Variants in EPCAM observed in about 807,000 individuals in gnomAD.
EPCAM encodes the protein adenocarcinoma-associated antigen.
A neutral mutation model predicts 40.0 loss-of-function variants in EPCAM; 39 were observed. The ratio of observed to expected loss-of-function variants is 0.98; its 90% confidence interval spans 0.76 to 1.27. The LOEUF is 1.27. Among genes scored for constraint, EPCAM ranks in the 50% most tolerant of loss-of-function variants. The pLI is 0.00. For missense variants in EPCAM, 503 were observed against 381.2 expected (o/e 1.32, Z -2.66); for synonymous variants, 168 against 132.3 (o/e 1.27, Z -1.85).
chr2:47,373,506 GAAT>G lies in EPCAM; in HGVS notation c.127_129del (p.Asn43del). On this transcript the variant is annotated inframe_deletion, in exon 2 of 9. Coordinates refer to ENST00000263735, the MANE Select transcript of EPCAM (RefSeq NM_002354.3). ...ACAAGCTGGCCGTAAACTGCTTTGT[GAAT>G]AATAATCGTCAATGCCAGTGTACTT... is the stretch of plus-strand genomic sequence containing the variant. The G allele has an allele frequency of 1.9e-6, 3 of 1,613,766 alleles. No individual in the cohort carries two copies. Among genetic ancestry groups the G allele is most frequent in the Non-Finnish European group, 2.5e-6 (3 of 1,179,856 alleles).
intron 5 of EPCAM, among the ~76,000 whole-genome samples, chr2:47,378,727 T>G (rs1671495504): frequency 6.6e-6 from 1 of 152,204 alleles, no homozygotes; most frequent in South Asian, 2.1e-4. Context: ...TACATTGTAA[T>G]TATGTTTGGT....
At chr2:47,381,940 A>G (rs1163153603) in intron 7 of EPCAM, among the ~76,000 whole-genome samples, 1 of 152,046 alleles carries the variant, frequency 6.6e-6, no homozygotes, top group Non-Finnish European at 1.5e-5. Flanking sequence ...CTAATTTTTT[A>G]ATTTTTAGTA....
intron 7 of EPCAM, among the ~76,000 whole-genome samples, chr2:47,382,812 T>C (rs1671627547): frequency 6.6e-6 from 1 of 152,192 alleles, no homozygotes; most frequent in Admixed American, 6.5e-5. Flanking sequence ...ATGAGTTCGA[T>C]CTTTATCTTT....
chr2:47,378,470 T>C lies in EPCAM; in HGVS notation c.556-483T>C, dbSNP rs181856562. 7.6e-3 allele frequency among the ~76,000 whole-genome samples: 1,157 copies of C among 151,862 alleles called. 12 individuals are homozygous for C. The highest frequency in any genetic ancestry group is 9.1e-3 in the Non-Finnish European group (620 of 67,916). On this transcript the variant is annotated intron_variant, in intron 5 of 8. Transcript: ENST00000263735. ...GCAATGTGTCACCACGCCTGGCTAATTTTGTATTTTTAGTAGAGATGGGGT... is the reference window on the plus strand; with the variant it reads ...GCAATGTGTCACCACGCCTGGCTAACTTTGTATTTTTAGTAGAGATGGGGT...
rs2103747818 is a variant in EPCAM at position 47,373,996 on chromosome 2, A to G, written c.373A>G (p.Arg125Gly). The G allele has an allele frequency of 6.2e-7, 1 of 1,614,202 alleles. No individual in the cohort carries two copies. The highest frequency in any genetic ancestry group is 8.5e-7 in the Non-Finnish European group (1 of 1,180,028). The stretch of plus-strand genomic sequence containing the variant: ...CTGGTGTGTGAACACTGCTGGGGTC[A>G]GAAGAACAGACAAGGACACTGAAAT... The part of the protein sequence containing the change: ...MCWCVNTAGV[R>G]RTDKDTEITC... Residue 125 changes from arginine to glycine, a missense_variant, in exon 3 of 9, where the codon AGA becomes GGA. Physicochemically the swap from Arg to Gly is moderately radical, Grantham distance 125. Transcript: ENST00000263735.
At chr2:47,373,296 C>T (rs1372703196) in intron 1 of EPCAM, among the ~76,000 whole-genome samples, 167 bp from the exon 2 acceptor site, 1 of 149,826 alleles carries the variant, frequency 6.7e-6, no homozygotes, top group East Asian at 2.0e-4. Context: ...TAGCAAGTGC[C>T]AGGCACTTAG....
intron 4 of EPCAM, 67 bp downstream of exon 4, chr2:47,375,366 T>A (rs760743258): frequency 1.5e-5 from 15 of 1,030,870 alleles, no homozygotes; most frequent in Non-Finnish European, 2.3e-5. Context: ...CCTACACCAT[T>A]AGAAAAAGCA....
Position 47,370,749 on chromosome 2 carries a change from AG to A in EPCAM, c.76+1169del, listed in dbSNP as rs1671239959. Among the ~76,000 whole-genome samples, 3 of 150,658 alleles carry A rather than the reference AG, an allele frequency of 2.0e-5. No homozygotes were observed. The South Asian group carries it at 6.3e-4, about 32-fold the overall frequency. Reference sequence around the variant, plus strand: ...TTTATTATTATTATTATTATTTTTGAGACAGAGTTTCGCTCTTGTTGCCCAG... The same window carrying A: ...TTTATTATTATTATTATTATTTTTGAACAGAGTTTCGCTCTTGTTGCCCAG... On this transcript the variant is annotated intron_variant, in intron 1 of 8. Transcript: ENST00000263735.
rs769754089 is a variant in EPCAM at position 47,369,556 on chromosome 2, G to A, written c.51G>A (p.Thr17=). 1.9e-6 allele frequency: 3 copies of A among 1,588,354 alleles called. No individual in the cohort carries two copies. The highest frequency in any genetic ancestry group is 2.3e-5 in the South Asian group (2 of 86,978). The change falls in exon 1 of 9, where the codon ACG becomes ACA. Residue 17 remains threonine, a synonymous_variant. Coordinates refer to ENST00000263735, the MANE Select transcript of EPCAM (RefSeq NM_002354.3). ...LAFGLLLAAA[T]ATFAAAQEEC... ...TCGGGCTTCTGCTTGCCGCGGCGACGGCGACTTTTGCCGCAGCTCAGGAAG... is the reference window on the plus strand; with the variant it reads ...TCGGGCTTCTGCTTGCCGCGGCGACAGCGACTTTTGCCGCAGCTCAGGAAG...
At chr2:47,379,636 A>T (rs2103758351) in intron 6 of EPCAM, 133 bp from the exon 7 acceptor site, 1 of 1,055,428 alleles carries the variant, frequency 9.5e-7, no homozygotes, top group East Asian at 2.6e-5. Flanking sequence ...GTTCCAATAA[A>T]TTAGATTGTT....
At chr2:47,375,961 C>G (rs983005607) in intron 4 of EPCAM, among the ~76,000 whole-genome samples, 1 of 152,042 alleles carries the variant, frequency 6.6e-6, no homozygotes, top group South Asian at 2.1e-4. Context: ...GCCTCTGCCT[C>G]CCAAAGTGCT....
intron 8 of EPCAM, among the ~76,000 whole-genome samples, chr2:47,386,034 A>G (rs1194452444): frequency 6.6e-6 from 1 of 152,174 alleles, no homozygotes; most frequent in African/African-American, 2.4e-5. Context: ...ATGTTTCCTC[A>G]TCTGTAAAAT....
At chr2:47,374,264 A>T (rs1671363965) in intron 3 of EPCAM, among the ~76,000 whole-genome samples, 1 of 152,116 alleles carries the variant, frequency 6.6e-6, no homozygotes. Context: ...GAGATAGTTG[A>T]TGAATTTGTT....
chr2:47,373,541 G>C lies in EPCAM; in HGVS notation c.155G>C (p.Gly52Ala), dbSNP rs770459165. 7 of 1,613,350 alleles carry C rather than the reference G, an allele frequency of 4.3e-6. No homozygotes were observed. The Admixed American group carries it at 1.0e-4, about 23-fold the overall frequency. ...CGTCAATGCCAGTGTACTTCAGTTG[G>C]TGCACAAAATACTGTCATTTGCTCA... is the stretch of plus-strand genomic sequence containing the variant. ...NNRQCQCTSVGAQNTVICSKL... is the reference protein window; with the variant it reads ...NNRQCQCTSVAAQNTVICSKL... The change falls in exon 2 of 9, where the codon GGT becomes GCT. Residue 52 changes from glycine to alanine, a missense_variant. Gly to Ala is a moderately conservative substitution (Grantham distance 60, BLOSUM62 0). Coordinates refer to ENST00000263735, the MANE Select transcript of EPCAM (RefSeq NM_002354.3).
chr2:47,377,100 C>T (rs1558436915), intron 5 of EPCAM, 23 bp downstream of exon 5: 1 of 1,465,566 alleles, frequency 6.8e-7, no homozygotes, highest in Non-Finnish European at 9.6e-7. Flanking sequence ...AATAAGTGAG[C>T]TTTAGCAGAC....
intron 1 of EPCAM, 142 bp downstream of exon 1, chr2:47,369,723 C>G (rs757917638): frequency 1.5e-5 from 14 of 905,662 alleles, no homozygotes; most frequent in Non-Finnish European, 2.3e-5. Context: ...ACGGTGCGGC[C>G]GTGCTCCGGC....
intron 1 of EPCAM, among the ~76,000 whole-genome samples, chr2:47,371,914 G>T (rs950484592): frequency 1.3e-5 from 2 of 152,292 alleles, no homozygotes; most frequent in African/African-American, 4.8e-5. Context: ...ACTCTGGTTT[G>T]TCATGCTAGC....
At chr2:47,372,338 T>G (rs1028482252) in intron 1 of EPCAM, among the ~76,000 whole-genome samples, 6 of 152,068 alleles carry the variant, frequency 3.9e-5, no homozygotes, top group Admixed American at 2.0e-4. Flanking sequence ...GATTTTTTTT[T>G]GTAAAAGAGG....
intron 3 of EPCAM, 86 bp downstream of exon 3, chr2:47,374,134 A>T: frequency 6.7e-7 from 1 of 1,485,104 alleles, no homozygotes; most frequent in East Asian, 2.4e-5. Flanking sequence ...ATATGATTTC[A>T]TGGTTTAGAA....
Sources: allele counts gnomAD v4.1 joint callset (sites outside exome capture counted in the v4.1 genomes callset), GRCh38; gene constraint gnomAD v4.1.1; transcripts MANE v1.5; gene names NCBI Gene and HGNC (gene_info 2026-07-23, HGNC 2026-07-21).